Variants in CSMD1 observed in about 807,000 individuals in gnomAD.
CSMD1 encodes the protein CUB and sushi domain-containing protein 1.
A neutral mutation model predicts 417.5 loss-of-function variants in CSMD1; 213 were observed. That is an observed-to-expected ratio of 0.51 (90% CI 0.46 to 0.57). The LOEUF is 0.57. CSMD1 is among the 20% of genes least tolerant of loss of function. The pLI is 0.00. For missense variants in CSMD1, 6,923 were observed against 4,529.7 expected (o/e 1.53, Z -15.17); for synonymous variants, 2,862 against 1,736.8 (o/e 1.65, Z -16.11).
At chr8:3,255,818 G>A (rs1800609151) in intron 26 of CSMD1, among the ~76,000 whole-genome samples, 1 of 152,132 alleles carries the variant, frequency 6.6e-6, no homozygotes, top group African/African-American at 2.4e-5. Flanking sequence ...TGCTTCCCGG[G>A]TGATGTGATG....
chr8:3,319,151 C>G (rs1418620694), intron 23 of CSMD1, among the ~76,000 whole-genome samples: 1 of 152,072 alleles, frequency 6.6e-6, no homozygotes, highest in Non-Finnish European at 1.5e-5. Context: ...AAAGGCCTAG[C>G]TTTTAAAAAA....
intron 12 of CSMD1, among the ~76,000 whole-genome samples, chr8:3,424,684 CT>C (rs918510555): frequency 1.6e-4 from 24 of 152,302 alleles, no homozygotes; most frequent in Non-Finnish European, 1.3e-4. Context: ...AATGATCTTA[CT>C]TCCTTTGCCA....
intron 4 of CSMD1, among the ~76,000 whole-genome samples, chr8:4,006,898 G>A (rs1816163774): frequency 7.1e-6 from 1 of 140,854 alleles, no homozygotes; most frequent in Non-Finnish European, 1.5e-5. Flanking sequence ...CGTGATCTCG[G>A]CTCACTGCAA....
At chr8:4,459,116 G>C (rs997485440) in intron 2 of CSMD1, among the ~76,000 whole-genome samples, 3 of 152,192 alleles carry the variant, frequency 2.0e-5, no homozygotes, top group Non-Finnish European at 2.9e-5. Context: ...CTAACCAGGA[G>C]GGTCAGGCCA....
chr8:4,295,668 A>G (rs1439704743), intron 3 of CSMD1, among the ~76,000 whole-genome samples: 1 of 142,244 alleles, frequency 7.0e-6, no homozygotes, highest in South Asian at 2.1e-4. Flanking sequence ...TCTTAAGATT[A>G]CATATGTTAT....
At chr8:3,816,877 A>G (rs1468770838) in intron 5 of CSMD1, among the ~76,000 whole-genome samples, 1 of 152,154 alleles carries the variant, frequency 6.6e-6, no homozygotes, top group East Asian at 1.9e-4. Context: ...AGGGGGCACT[A>G]TATATTTCAC....
At chr8:3,620,177 T>G (rs1045564772) in intron 7 of CSMD1, among the ~76,000 whole-genome samples, 1 of 152,048 alleles carries the variant, frequency 6.6e-6, no homozygotes, top group Non-Finnish European at 1.5e-5. Context: ...CAGCTGAAAA[T>G]TCTACATCTA....
chr8:4,220,103 C>T (rs996128469), intron 3 of CSMD1, among the ~76,000 whole-genome samples: 7 of 152,272 alleles, frequency 4.6e-5, no homozygotes, highest in Admixed American at 3.3e-4. Flanking sequence ...GCACGTGCCA[C>T]CATGCCCAGC....
At chr8:4,394,582 G>A (rs1003720102) in intron 3 of CSMD1, among the ~76,000 whole-genome samples, 12 of 152,134 alleles carry the variant, frequency 7.9e-5, no homozygotes, top group Non-Finnish European at 1.5e-4. Flanking sequence ...CATGTCTGTG[G>A]ATGCCCCCAG....
intron 2 of CSMD1, among the ~76,000 whole-genome samples, chr8:4,464,024 T>C (rs1450691429): frequency 1.3e-5 from 2 of 152,114 alleles, no homozygotes; most frequent in Non-Finnish European, 2.9e-5. Context: ...GACACCTATA[T>C]TAATTCAGTT....
intron 1 of CSMD1, among the ~76,000 whole-genome samples, chr8:4,675,207 C>A (rs548890331): frequency 3.3e-5 from 5 of 152,278 alleles, no homozygotes; most frequent in African/African-American, 1.2e-4. Context: ...TTCTAGTGAA[C>A]AATTCTTTTT....
intron 1 of CSMD1, among the ~76,000 whole-genome samples, chr8:4,830,322 A>T (rs1217823856): frequency 6.6e-6 from 1 of 152,208 alleles, no homozygotes; most frequent in Non-Finnish European, 1.5e-5. Flanking sequence ...TACATTTCTC[A>T]CTGCCAGCAT....
chr8:2,962,847 G>C (rs1451527802), intron 60 of CSMD1, among the ~76,000 whole-genome samples: 1 of 152,198 alleles, frequency 6.6e-6, no homozygotes, highest in Non-Finnish European at 1.5e-5. Flanking sequence ...TCAGGAGTTC[G>C]AGACTAGCCT....
intron 69 of CSMD1, among the ~76,000 whole-genome samples, chr8:2,939,296 T>A (rs905956008): frequency 6.6e-6 from 1 of 152,258 alleles, no homozygotes. Flanking sequence ...ACGGTATGCT[T>A]ACACTAAATT....
intron 1 of CSMD1, among the ~76,000 whole-genome samples, chr8:4,917,429 T>C (rs965104138): frequency 1.3e-5 from 2 of 152,086 alleles, no homozygotes; most frequent in Non-Finnish European, 2.9e-5. Flanking sequence ...GGTCAGGAGA[T>C]CGAGACCACC....
intron 3 of CSMD1, among the ~76,000 whole-genome samples, chr8:4,414,458 TTC>T (rs1796817409): frequency 6.6e-6 from 1 of 152,334 alleles, no homozygotes; most frequent in African/African-American, 2.4e-5. Flanking sequence ...ATCCCTCATT[TTC>T]TGTTTGTGAG....
Position 4,602,216 on chromosome 8 carries a change from G to C in CSMD1, c.302+35126C>G, listed in dbSNP as rs114478446. Among the ~76,000 whole-genome samples, 1,162 of 152,118 alleles carry C rather than the reference G, an allele frequency of 7.6e-3. 18 individuals are homozygous for C. The highest frequency in any genetic ancestry group is 0.026 in the African/African-American group (1,060 of 41,488). On this transcript the variant is annotated intron_variant, in intron 2 of 69. Transcript: ENST00000635120. ...TTGAGGCATTGCCTTTCCACCCTAT[G>C]TCATTGAAAATTGATGTTGTTGGGA...
intron 8 of CSMD1, among the ~76,000 whole-genome samples, chr8:3,587,080 G>A (rs111992784): frequency 0.026 from 4,023 of 152,318 alleles, 179 homozygotes; most frequent in African/African-American, 0.088. Context: ...GATTACAGGC[G>A]TGAGCCACTG....
intron 3 of CSMD1, among the ~76,000 whole-genome samples, chr8:4,341,702 A>G (rs1472175617): frequency 6.6e-6 from 1 of 152,154 alleles, no homozygotes; most frequent in Non-Finnish European, 1.5e-5. Flanking sequence ...TGGAAACCTA[A>G]GATTAGTCAA....
Sources: gnomAD v4.1 joint callset for allele counts (sites outside exome capture counted in the v4.1 genomes callset) on GRCh38, gnomAD v4.1.1 for gene constraint, MANE v1.5 for transcripts, NCBI Gene and HGNC (gene_info 2026-07-23, HGNC 2026-07-21) for gene names.